GRIP1: variants seen among roughly 807,000 people sequenced by gnomAD.
The protein encoded by GRIP1 is glutamate receptor interacting protein 1.
Under a neutral mutation model 129.9 loss-of-function variants are expected in GRIP1, and 45 were observed. That is an observed-to-expected ratio of 0.35 (90% CI 0.27 to 0.44). The LOEUF (loss-of-function observed/expected upper bound fraction) is 0.44. Ranked by LOEUF, GRIP1 falls within the 20% of genes least tolerant of loss-of-function variation. The probability of loss-of-function intolerance (pLI) is 1.00; values close to 1 mark genes in which losing one functional copy is unlikely to be tolerated. For missense variants in GRIP1, 1,196 were observed against 1,396.8 expected (o/e 0.86, Z 2.29); for synonymous variants, 530 against 520.8 (o/e 1.02, Z -0.24).
In GRIP1 at chr12:66,781,343, C is replaced by A. The variant is rs574470298; in HGVS notation, c.-420+22710G>T. Among the ~76,000 whole-genome samples the A allele has an allele frequency of 1.4e-4, 22 of 152,208 alleles. No homozygotes were observed. In the South Asian group the frequency reaches 4.1e-3, roughly 29 times the overall value. ...TCTGTTTTTGTTTTTCCAAATGAAG[C>A]AGTGAGGCTTATTTAGGTATCTTTC... On this transcript the variant is annotated intron_variant, in intron 1 of 4. Coordinates refer to the GRIP1 transcript ENST00000538373.
chr12:66,543,378 G>A (rs985547636), intron 2 of GRIP1, among the ~76,000 whole-genome samples: 1 of 152,140 alleles, frequency 6.6e-6, no homozygotes. Context: ...CGTGTATGAT[G>A]TCAGCTTCAT....
At chr12:66,774,306 T>C (rs2037912562) in intron 1 of GRIP1, among the ~76,000 whole-genome samples, 3 of 152,212 alleles carry the variant, frequency 2.0e-5, no homozygotes, top group Admixed American at 2.0e-4. Flanking sequence ...CCTATGAAAA[T>C]GCTCTGAAAA....
chr12:66,472,167 T>A (rs191892251), intron 7 of GRIP1, among the ~76,000 whole-genome samples: 201 of 152,316 alleles, frequency 1.3e-3, no homozygotes, highest in African/African-American at 4.4e-3. Flanking sequence ...TCTGTCCACC[T>A]CATAGTCCCA....
At chr12:67,009,380 C>G (rs542583824) in intron 1 of GRIP1, among the ~76,000 whole-genome samples, 3 of 152,222 alleles carry the variant, frequency 2.0e-5, no homozygotes, top group Admixed American at 6.5e-5. Context: ...GCCACGCATT[C>G]AACTCATCTG....
intron 1 of GRIP1, among the ~76,000 whole-genome samples, chr12:66,759,990 G>A (rs907010134): frequency 1.3e-5 from 2 of 152,042 alleles, no homozygotes; most frequent in Admixed American, 6.6e-5. Context: ...GAGTAGCTGG[G>A]ACTAAAGGCA....
chr12:66,968,015 T>G (rs1449143784), intron 1 of GRIP1, among the ~76,000 whole-genome samples: 1 of 152,204 alleles, frequency 6.6e-6, no homozygotes, highest in Middle Eastern at 3.2e-3. Flanking sequence ...GCTTGATCTA[T>G]CAACTAGTGA....
chr12:66,432,761 G>C (rs200425359), intron 13 of GRIP1, 133 bp from the exon 14 acceptor site: 3 of 650,654 alleles, frequency 4.6e-6, no homozygotes, highest in East Asian at 2.8e-5. Flanking sequence ...TAAGATGAAG[G>C]CCTTTAAAAT....
At chr12:66,972,749 G>C (rs1163463931) in intron 1 of GRIP1, among the ~76,000 whole-genome samples, 3 of 152,116 alleles carry the variant, frequency 2.0e-5, no homozygotes, top group African/African-American at 7.2e-5. Context: ...ATATTTTGCA[G>C]CCCCATGTTC....
At chr12:66,822,208 C>T (rs1317746974) in intron 1 of GRIP1, among the ~76,000 whole-genome samples, 1 of 152,222 alleles carries the variant, frequency 6.6e-6, no homozygotes, top group African/African-American at 2.4e-5. Flanking sequence ...GGTGGCTTCG[C>T]CAATCTGTCT....
chr12:66,407,889 C>T (rs545013310), intron 15 of GRIP1, among the ~76,000 whole-genome samples: 2 of 152,128 alleles, frequency 1.3e-5, no homozygotes, highest in East Asian at 3.9e-4. Context: ...GCTTGCAACA[C>T]CCCTCCCCTA....
intron 16 of GRIP1, among the ~76,000 whole-genome samples, chr12:66,395,687 C>T (rs2056760704): frequency 6.6e-6 from 1 of 152,184 alleles, no homozygotes. Flanking sequence ...ATTTACTCCA[C>T]ACATTCAGAA....
intron 1 of GRIP1, among the ~76,000 whole-genome samples, chr12:67,043,480 A>G (rs143218721): frequency 1.2e-3 from 177 of 152,296 alleles, no homozygotes; most frequent in African/African-American, 4.1e-3. Flanking sequence ...AGATACAACC[A>G]AAAGTCTTCA....
intron 1 of GRIP1, among the ~76,000 whole-genome samples, chr12:66,714,410 T>C (rs931593217): frequency 6.6e-6 from 1 of 152,090 alleles, no homozygotes; most frequent in African/African-American, 2.4e-5. Context: ...ACTGGCATAA[T>C]GATCAATGTC....
intron 5 of GRIP1, among the ~76,000 whole-genome samples, chr12:66,524,693 G>A (rs1212116554): frequency 2.0e-5 from 3 of 152,028 alleles, no homozygotes; most frequent in Admixed American, 1.3e-4. Context: ...CAGAACTGAC[G>A]GAAATAGAGA....
chr12:66,487,871 T>TA (rs60590616), intron 7 of GRIP1, among the ~76,000 whole-genome samples: 9,840 of 151,908 alleles, frequency 0.065, 715 homozygotes, highest in East Asian at 0.21. Context: ...CCAACAAAGA[T>TA]AAAAAAGACA....
intron 1 of GRIP1, among the ~76,000 whole-genome samples, chr12:66,906,593 C>G (rs1304694811): frequency 1.3e-5 from 2 of 152,126 alleles, no homozygotes; most frequent in Non-Finnish European, 2.9e-5. Context: ...ATACTGGCCT[C>G]TCAAGCATAT....
At chr12:66,618,982 T>C (rs1167733151) in intron 1 of GRIP1, among the ~76,000 whole-genome samples, 1 of 152,124 alleles carries the variant, frequency 6.6e-6, no homozygotes, top group Non-Finnish European at 1.5e-5. Context: ...AAAAAGGATG[T>C]TCAGGCAGAT....
chr12:66,970,660 T>C (rs1007939018), intron 1 of GRIP1, among the ~76,000 whole-genome samples: 5 of 151,744 alleles, frequency 3.3e-5, no homozygotes, highest in Admixed American at 2.6e-4. Flanking sequence ...CCACTGTTAT[T>C]ATAAGGAGCC....
Position 66,861,265 on chromosome 12 carries a change from T to C in GRIP1, c.58+207785A>G, listed in dbSNP as rs551040254. On this transcript the variant is annotated intron_variant, in intron 1 of 1. Coordinates refer to the GRIP1 transcript ENST00000643019. ...CGCTGTAATGTTAACAGAATGAGTATTTATAAATATACATGCCAGAAATGC... is the reference window on the plus strand; with the variant it reads ...CGCTGTAATGTTAACAGAATGAGTACTTATAAATATACATGCCAGAAATGC... Among the ~76,000 whole-genome samples, 5 of 152,264 alleles carry C rather than the reference T, an allele frequency of 3.3e-5. No individual in the cohort carries two copies. In the South Asian group the frequency reaches 1.0e-3, roughly 32 times the overall value.
Sources: gnomAD v4.1 joint callset for allele counts (sites outside exome capture counted in the v4.1 genomes callset) on GRCh38, gnomAD v4.1.1 for gene constraint, MANE v1.5 for transcripts, NCBI Gene and HGNC (gene_info 2026-07-23, HGNC 2026-07-21) for gene names.